The following NTRK3 variants were observed in gnomAD, a reference collection of about 807,000 sequenced individuals.
The protein encoded by NTRK3 is neurotrophic receptor tyrosine kinase 3.
Under a neutral mutation model 91.7 loss-of-function variants are expected in NTRK3, and 24 were observed. That is an observed-to-expected ratio of 0.26 (90% confidence interval 0.19 to 0.37). The LOEUF (loss-of-function observed/expected upper bound fraction) is 0.37. Among genes scored for constraint, NTRK3 ranks in the 10% least tolerant of loss-of-function variants. The pLI, the probability that NTRK3 is intolerant of heterozygous loss-of-function variation, is 1.00. For missense variants in NTRK3, 880 were observed against 1,068.9 expected, an observed-to-expected ratio of 0.82 and a Z score of 2.46; for synonymous variants, 483 against 404.0, an observed-to-expected ratio of 1.20 and a Z score of -2.34.
chr15:87,886,962 T>C (rs533230829), intron 17 of NTRK3, among the ~76,000 whole-genome samples: 3 of 151,988 alleles, frequency 2.0e-5, no homozygotes, highest in African/African-American at 7.2e-5. Flanking sequence ...GGTTTGTTGA[T>C]GTAAAAAAAA....
chr15:88,032,226 TCAG>T (rs1025636662), intron 14 of NTRK3, among the ~76,000 whole-genome samples: 24 of 151,842 alleles, frequency 1.6e-4, no homozygotes, highest in Admixed American at 5.9e-4. Context: ...CTAGCAGGGC[TCAG>T]CAGAAGGACA....
At position 87,985,322 on chromosome 15, in the gene NTRK3, C is replaced by A. The variant is rs891183036; in HGVS notation, c.1586-44569G>T. On this transcript the variant is annotated intron_variant, in intron 14 of 18. Coordinates refer to ENST00000394480, the Ensembl canonical transcript of NTRK3. ...CATTGCCTGACATGTATAAGGCACACGACAAAAGGTTGTTGAATGCCAACA... is the reference window on the plus strand; with the variant it reads ...CATTGCCTGACATGTATAAGGCACAAGACAAAAGGTTGTTGAATGCCAACA... Among the ~76,000 whole-genome samples, 6 of 152,250 alleles carry A rather than the reference C, an allele frequency of 3.9e-5. No individual in the cohort carries two copies. In the East Asian group the frequency reaches 9.6e-4, roughly 24 times the overall value.
chr15:88,152,652 T>C (rs1163315882), intron 5 of NTRK3, among the ~76,000 whole-genome samples: 1 of 152,188 alleles, frequency 6.6e-6, no homozygotes, highest in Non-Finnish European at 1.5e-5. Flanking sequence ...CTAGCAGCAA[T>C]TGCAAATTAA....
At chr15:88,052,430 G>A (rs1048703898) in intron 13 of NTRK3, among the ~76,000 whole-genome samples, 1 of 152,198 alleles carries the variant, frequency 6.6e-6, no homozygotes, top group Non-Finnish European at 1.5e-5. Context: ...AGACCGAAAA[G>A]CCAATTCTCT....
intron 14 of NTRK3, among the ~76,000 whole-genome samples, chr15:88,001,932 T>C (rs1376803648): frequency 6.6e-6 from 1 of 152,166 alleles, no homozygotes; most frequent in African/African-American, 2.4e-5. Context: ...GGAGTACTGG[T>C]ATATTAATAA....
At chr15:87,873,346 A>C (rs1195587330) in exon 19 of NTRK3, 1 of 228,854 alleles carries the variant, frequency 4.4e-6, no homozygotes, top group African/African-American at 2.2e-5. Context: ...GTCCCCTCAG[A>C]GTTCAGGGAT....
chr15:88,107,181 A>C (rs1049470713), intron 13 of NTRK3, among the ~76,000 whole-genome samples: 1 of 151,866 alleles, frequency 6.6e-6, no homozygotes. Flanking sequence ...CAGTGCTCAC[A>C]TGTGTAATCC....
intron 9 of NTRK3, 66 bp downstream of exon 9, chr15:88,135,833 C>A: frequency 1.3e-6 from 2 of 1,593,936 alleles, no homozygotes; most frequent in Non-Finnish European, 1.7e-6. Flanking sequence ...CACCTTGGCC[C>A]CTCTCCAGCC....
Position 88,062,445 on chromosome 15 carries a change from T to C in NTRK3, c.1397-29400A>G, listed in dbSNP as rs544030615. Among the ~76,000 whole-genome samples, 5 of 152,324 alleles carry C rather than the reference T, an allele frequency of 3.3e-5. No homozygotes were observed. The East Asian group carries it at 9.6e-4, about 29-fold the overall frequency. ...GCCAATGGGATATAAACAGAAGTCT[T>C]GGCTAGTAATTCCTAGGAAGTCTCC... On this transcript the variant is annotated intron_variant, in intron 13 of 18. Coordinates refer to ENST00000394480, the Ensembl canonical transcript of NTRK3.
intron 14 of NTRK3, among the ~76,000 whole-genome samples, chr15:87,992,986 C>T (rs553903678): frequency 6.6e-5 from 10 of 152,314 alleles, no homozygotes; most frequent in Admixed American, 5.2e-4. Flanking sequence ...CTTCAGGCTG[C>T]ACTACAGTAT....
chr15:88,191,402 G>A (rs1473115908), intron 3 of NTRK3, among the ~76,000 whole-genome samples: 1 of 152,186 alleles, frequency 6.6e-6, no homozygotes, highest in Non-Finnish European at 1.5e-5. Flanking sequence ...TGGCCAGGCT[G>A]GTTGCGAAAT....
intron 3 of NTRK3, among the ~76,000 whole-genome samples, chr15:88,194,475 T>A (rs2047658505): frequency 6.6e-6 from 1 of 152,246 alleles, no homozygotes; most frequent in Non-Finnish European, 1.5e-5. Context: ...ATGACACTGG[T>A]ATCATGGAGT....
intron 14 of NTRK3, among the ~76,000 whole-genome samples, chr15:87,960,887 G>C (rs1234857373): frequency 6.6e-6 from 1 of 152,102 alleles, no homozygotes; most frequent in Non-Finnish European, 1.5e-5. Context: ...TAAGCGGCGT[G>C]CCATATCATT....
chr15:88,197,273 T>C (rs2047922256), intron 3 of NTRK3, among the ~76,000 whole-genome samples: 1 of 152,134 alleles, frequency 6.6e-6, no homozygotes. Flanking sequence ...TCCTTCCTGA[T>C]ATTGCAAGTA....
chr15:88,247,804 A>G (rs2052983344), intron 3 of NTRK3, among the ~76,000 whole-genome samples: 1 of 152,086 alleles, frequency 6.6e-6, no homozygotes. Context: ...GCTCATCCCT[A>G]TGGAGAGAGA....
intron 13 of NTRK3, among the ~76,000 whole-genome samples, chr15:88,047,723 G>A (rs1208258425): frequency 1.3e-5 from 2 of 152,144 alleles, no homozygotes; most frequent in Non-Finnish European, 2.9e-5. Context: ...CTATTAAAAG[G>A]AGGGCGACCA....
chr15:87,908,595 G>C (rs1397508527), intron 17 of NTRK3: 2 of 399,456 alleles, frequency 5.0e-6, no homozygotes, highest in Non-Finnish European at 8.8e-6. Context: ...GAGTGGGAAG[G>C]GGGAGAGAGA....
At chr15:88,114,438 G>T (rs886848895) in intron 13 of NTRK3, among the ~76,000 whole-genome samples, 2 of 152,006 alleles carry the variant, frequency 1.3e-5, no homozygotes, top group Non-Finnish European at 2.9e-5. Context: ...AAAAAAAATG[G>T]CATTAGAGAA....
At chr15:88,002,606 C>T (rs1317272447) in intron 14 of NTRK3, among the ~76,000 whole-genome samples, 2 of 148,198 alleles carry the variant, frequency 1.3e-5, no homozygotes, top group Admixed American at 6.9e-5. Flanking sequence ...CAAAGGTATA[C>T]AATTTCACTG....
Sources: allele counts gnomAD v4.1 joint callset (sites outside exome capture counted in the v4.1 genomes callset), GRCh38; gene constraint gnomAD v4.1.1; transcripts MANE v1.5; gene names NCBI Gene and HGNC (gene_info 2026-07-23, HGNC 2026-07-21).